Variants in MAG observed in about 807,000 individuals in gnomAD.
The protein encoded by MAG is myelin-associated glycoprotein.
A neutral mutation model predicts 60.7 loss-of-function variants in MAG; 30 were observed. The ratio of observed to expected loss-of-function variants is 0.49; its 90% CI spans 0.37 to 0.67. The LOEUF is 0.67. Among genes scored for constraint, MAG ranks in the 30% least tolerant of loss-of-function variants. MAG has a pLI of 0.00. For synonymous variants in MAG, 384 were observed against 376.8 expected, an observed-to-expected ratio of 1.02 and a Z score of -0.22; for missense variants, 795 against 851.7, an observed-to-expected ratio of 0.93 and a Z score of 0.83.
At chr19:35,299,873 C>A (rs1230149187) in intron 5 of MAG, 23 bp downstream of exon 5, 1 of 48,414 alleles carries the variant, frequency 2.1e-5, no homozygotes, top group Non-Finnish European at 3.9e-5. Flanking sequence ...GCGGGCGGGG[C>A]GGGGTGGGGC....
In MAG at chr19:35,300,376, C is replaced by A. The variant is rs150720175; in HGVS notation, c.942C>A (p.Asp314Glu). ...TGGCCGAGAATGCCTATGGCCAGGA[C>A]AACCGCACCGTGGGGCTCAGTGTCA... The part of the protein sequence containing the change: ...ACLAENAYGQ[D>E]NRTVGLSVMY... Residue 314 changes from aspartate (D) to glutamate (E), a missense_variant, in exon 6 of 11, where the codon GAC becomes GAA. By Grantham distance (45) the Asp-to-Glu change is conservative. Transcript: ENST00000392213. 215 of 1,587,018 alleles carry A rather than the reference C, an allele frequency of 1.4e-4. 2 individuals carry two copies. The East Asian group carries it at 4.8e-3, about 36-fold the overall frequency.
At position 35,313,448 on chromosome 19, in the gene MAG, C is replaced by T. The variant is rs2066544038; in HGVS notation, c.1875C>T (p.Val625=). 1 of 1,612,090 alleles carries T rather than the reference C, an allele frequency of 6.2e-7. No individual in the cohort carries two copies. Among genetic ancestry groups the T allele is most frequent in the Non-Finnish European group, 8.5e-7 (1 of 1,179,258 alleles). The stretch of plus-strand genomic sequence containing the variant: ...TAGCTGAGTATGCTGAAATCCGGGT[C>T]AAGTGAAGGAGCTGGGGGCAGCCTG... The part of the protein sequence containing the change: ...EELAEYAEIR[V]K The change falls in exon 11 of 11, where the codon GTC becomes GTT. Residue 625 remains valine, a synonymous_variant. Transcript: ENST00000392213.
chr19:35,292,815 G>A (rs1011226488), intron 1 of MAG, among the ~76,000 whole-genome samples: 1 of 151,636 alleles, frequency 6.6e-6, no homozygotes, highest in African/African-American at 2.4e-5. Context: ...GCCCAGGCTG[G>A]TCTCAAACTT....
At chr19:35,301,411 C>T (rs1484769578) in intron 6 of MAG, among the ~76,000 whole-genome samples, 1 of 148,784 alleles carries the variant, frequency 6.7e-6, no homozygotes, top group Non-Finnish European at 1.5e-5. Flanking sequence ...CCAACATTTA[C>T]TCCACAGCTC....
Position 35,302,593 on chromosome 19 carries a change from G to A in MAG, c.1116G>A (p.Glu372=). The change falls in exon 7 of 11, where the codon GAG becomes GAA. Residue 372 remains glutamate (E), a synonymous_variant. Coordinates refer to ENST00000392213, the MANE Select transcript of MAG (RefSeq NM_002361.4). ...AGATCCTGTCCACGGTCATCTACGA[G>A]AGCGAGCTGCAGCTGGAGCTGCCGG... ...EKQILSTVIY[E]SELQLELPAV... 6.2e-7 allele frequency: 1 copy of A among 1,614,236 alleles called. No individual in the cohort carries two copies. The highest frequency in any genetic ancestry group is 1.7e-5 in the Admixed American group (1 of 60,036).
rs547985252 is a variant in MAG, at chr19:35,296,058, C to G, written c.415+77C>G. The G allele has an allele frequency of 1.7e-5, 26 of 1,500,536 alleles. No individual in the cohort carries two copies. In the African/African-American group the frequency reaches 3.3e-4, roughly 19 times the overall value. The allele number at this position is 1,500,536 out of a possible 1,614,324, so 93.0% of individuals were successfully genotyped here. A position where few individuals can be genotyped will look rare whatever the true frequency, so the allele number is the denominator to read the frequency against. On this transcript the variant is annotated intron_variant, in intron 4 of 10. Coordinates refer to ENST00000392213, the MANE Select transcript of MAG (RefSeq NM_002361.4). ...AAGGAGTGTGGCCGGAAGGCCTCCC[C>G]GCACCTTCCCCAGCAGGCCTGGATG...
At position 35,302,428 on chromosome 19, in the gene MAG, A is replaced by G. The variant is rs529941004; in HGVS notation, c.971-20A>G. 1.2e-6 allele frequency: 2 copies of G among 1,611,662 alleles called. No homozygotes were observed. The highest frequency in any genetic ancestry group is 2.7e-5 in the African/African-American group (2 of 74,960). ...AAGCACCTCCTGGGTTCTGACCATC[A>G]GTCCCGTCCTACCCCGCAGATGCAC... On this transcript the variant is annotated intron_variant, in intron 6 of 10. Coordinates refer to ENST00000392213, the MANE Select transcript of MAG (RefSeq NM_002361.4).
chr19:35,311,174 A>T (rs550180861), intron 9 of MAG, among the ~76,000 whole-genome samples: 10 of 151,792 alleles, frequency 6.6e-5, no homozygotes, highest in South Asian at 4.2e-4. Context: ...TCTAAAAAAA[A>T]TTTTTTTTTA....
chr19:35,295,477 G>C lies in MAG; in HGVS notation c.46+23G>C. 6.2e-7 allele frequency: 1 copy of C among 1,613,954 alleles called. No homozygotes were observed. Among genetic ancestry groups the C allele is most frequent in the Non-Finnish European group, 8.5e-7 (1 of 1,179,970 alleles). ...CAGGTAACGGCTGACAGGTGCTGGG[G>C]ACCTAAAGGCTTTGGCCCCTGAGCA... On this transcript the variant is annotated intron_variant, in intron 3 of 10. Transcript: ENST00000392213. The surrounding 1 kb of genome is among the most constrained non-coding windows in gnomAD (Gnocchi z 5.8).
At chr19:35,306,669 C>T (rs780449357) in intron 7 of MAG, among the ~76,000 whole-genome samples, 3 of 152,180 alleles carry the variant, frequency 2.0e-5, no homozygotes, top group Non-Finnish European at 4.4e-5. Flanking sequence ...AACTCCTGGG[C>T]TCAAGTGATC....
chr19:35,305,352 C>A (rs914153287), intron 7 of MAG, among the ~76,000 whole-genome samples: 1 of 152,248 alleles, frequency 6.6e-6, no homozygotes, highest in Non-Finnish European at 1.5e-5. Flanking sequence ...CGGCACGGGG[C>A]ATGCAGGAAG....
At chr19:35,303,602 C>T (rs1228310290) in intron 7 of MAG, among the ~76,000 whole-genome samples, 1 of 152,186 alleles carries the variant, frequency 6.6e-6, no homozygotes, top group African/African-American at 2.4e-5. Flanking sequence ...AATTGCTATA[C>T]ACAAAAGGCT....
At chr19:35,313,039 G>A (rs550533090) in intron 10 of MAG, among the ~76,000 whole-genome samples, 2 of 152,234 alleles carry the variant, frequency 1.3e-5, no homozygotes, top group South Asian at 4.2e-4. Flanking sequence ...AGAAGAAGAA[G>A]AAGCAGCTTC....
In MAG at chr19:35,294,282, G is replaced by C. The variant is rs889180525; in HGVS notation, c.-32G>C. 2 of 442,242 alleles carry C rather than the reference G, an allele frequency of 4.5e-6. No homozygotes were observed. The highest frequency in any genetic ancestry group is 4.1e-5 in the African/African-American group (2 of 49,140). The allele number at this position is 442,242 out of a possible 1,614,324, so 27.4% of individuals were successfully genotyped here. ...ACCCAGAAGACGTCCCCAACTCAGG[G>C]AGATTCAGGTGAGGGGCAGGGTACC... On this transcript the variant is annotated 5_prime_UTR_variant, in exon 2 of 11. Coordinates refer to ENST00000392213, the MANE Select transcript of MAG (RefSeq NM_002361.4).
Position 35,294,300 on chromosome 19 carries a change from A to C in MAG, c.-24+10A>C. ...ACTCAGGGAGATTCAGGTGAGGGGCAGGGTACCAACTCTCTTCCCTTGCTT... is the reference window on the plus strand; with the variant it reads ...ACTCAGGGAGATTCAGGTGAGGGGCCGGGTACCAACTCTCTTCCCTTGCTT... On this transcript the variant is annotated intron_variant, in intron 2 of 10. Transcript: ENST00000392213. 2.3e-6 allele frequency: 1 copy of C among 439,374 alleles called. No homozygotes were observed. The allele number at this position is 439,374 out of a possible 1,614,324, so 27.2% of individuals were successfully genotyped here.
Position 35,293,739 on chromosome 19 carries a change from C to T in MAG, c.-79-496C>T, listed in dbSNP as rs933504074. Among the ~76,000 whole-genome samples, 2 of 152,064 alleles carry T rather than the reference C, an allele frequency of 1.3e-5. No individual in the cohort carries two copies. Among genetic ancestry groups the T allele is most frequent in the African/African-American group, 2.4e-5 (1 of 41,400 alleles). ...CTTACTCCCCACTTACCCTGAAAGC[C>T]CCCCGCAGGCTAAAACACCCTCTCC... is the stretch of plus-strand genomic sequence containing the variant. On this transcript the variant is annotated intron_variant, in intron 1 of 10. Coordinates refer to ENST00000392213, the MANE Select transcript of MAG (RefSeq NM_002361.4). This position sits in a 1 kb window ranked among gnomAD's most constrained non-coding sequence, Gnocchi z 4.0.
rs1348746877 is a variant in MAG at position 35,295,707 on chromosome 19, G to A, written c.141G>A (p.Pro47=). ...CVSIPCRFDF[P]DELRPAVVHG... is the part of the protein sequence containing the mutation. Reference sequence around the variant, plus strand: ...CCATCCCCTGCCGCTTTGACTTCCCGGATGAGCTGCGGCCCGCTGTGGTGC... The same window carrying A: ...CCATCCCCTGCCGCTTTGACTTCCCAGATGAGCTGCGGCCCGCTGTGGTGC... The change falls in exon 4 of 11, where the codon CCG becomes CCA. Residue 47 remains proline, a synonymous_variant. Coordinates refer to ENST00000392213, the MANE Select transcript of MAG (RefSeq NM_002361.4). The surrounding 1 kb of genome is among the most constrained non-coding windows in gnomAD (Gnocchi z 5.8). 10 of 1,613,482 alleles carry A rather than the reference G, an allele frequency of 6.2e-6. No individual in the cohort carries two copies. The highest frequency in any genetic ancestry group is 4.5e-5 in the East Asian group (2 of 44,888).
At position 35,310,064 on chromosome 19, in the gene MAG, C is replaced by A; in HGVS notation, c.1422C>A (p.Leu474=). The stretch of plus-strand genomic sequence containing the variant: ...GCGGCCTCGTGCTCACCAGCATCCT[C>A]ACGCTGCGGGGGCAGGCCCAGGCCC... ...ERSGLVLTSI[L]TLRGQAQAPP... Residue 474 remains leucine, a synonymous_variant, in exon 8 of 11, where the codon CTC becomes CTA. Transcript: ENST00000392213. The A allele has an allele frequency of 6.2e-7, 1 of 1,613,634 alleles. No individual in the cohort carries two copies. The highest frequency in any genetic ancestry group is 1.7e-5 in the Admixed American group (1 of 60,010).
At chr19:35,301,137 T>C (rs543211596) in intron 6 of MAG, among the ~76,000 whole-genome samples, 1 of 152,330 alleles carries the variant, frequency 6.6e-6, no homozygotes, top group Non-Finnish European at 1.5e-5. Flanking sequence ...CCCAAAGTGC[T>C]GGGATTAGAG....
Sources: gnomAD v4.1 joint callset for allele counts (sites outside exome capture counted in the v4.1 genomes callset) on GRCh38, gnomAD v4.1.1 for gene constraint, Gnocchi (gnomAD v3.1) non-coding constraint, MANE v1.5 for transcripts, NCBI Gene and HGNC (gene_info 2026-07-23, HGNC 2026-07-21) for gene names.